The following UGT1A5 variants were observed in gnomAD, a reference collection of about 807,000 sequenced individuals.
UGT1A5 encodes the protein UDP-glucuronosyltransferase 1A5.
UGT1A5 carries 29 observed loss-of-function variants against 40.3 expected under a neutral mutation model. The ratio of observed to expected loss-of-function variants is 0.72; its 90% CI spans 0.54 to 0.98. UGT1A5 has a LOEUF of 0.98. UGT1A5 is among the 50% of genes least tolerant of loss of function. UGT1A5 has a pLI of 0.00. For synonymous variants in UGT1A5, 257 were observed against 262.5 expected (o/e 0.98, Z 0.20); for missense variants, 678 against 677.9 (o/e 1.00, Z 0.00).
At chr2:233,733,488 A>G (rs1340566594) in intron 1 of UGT1A5, among the ~76,000 whole-genome samples, 1 of 152,156 alleles carries the variant, frequency 6.6e-6, no homozygotes, top group African/African-American at 2.4e-5. Context: ...TTCCATCAAT[A>G]CCTAGTTTAT....
In UGT1A5 at chr2:233,731,732, C is replaced by T. The variant is rs376493971; in HGVS notation, c.867+17874C>T. Among the ~76,000 whole-genome samples, 8 of 152,220 alleles carry T rather than the reference C, an allele frequency of 5.3e-5. No homozygotes were observed. In the East Asian group the frequency reaches 1.3e-3, roughly 26 times the overall value. On this transcript the variant is annotated intron_variant, in intron 1 of 4. Transcript: ENST00000373414. ...CAGGTCTTTGCTATTGTGAATAGTG[C>T]CACAATAAACATACGTGTGCATGTG...
chr2:233,754,611 T>A (rs562553027), intron 1 of UGT1A5: 1 of 437,308 alleles, frequency 2.3e-6, no homozygotes, highest in East Asian at 7.0e-5. Flanking sequence ...CAACTCTCCA[T>A]CTTCCTCCAC....
chr2:233,724,212 T>C (rs2077189500), intron 1 of UGT1A5, among the ~76,000 whole-genome samples: 1 of 120,802 alleles, frequency 8.3e-6, no homozygotes. Context: ...GCTGAGGGGC[T>C]CCTCACTTCC....
rs568014834 is a variant in UGT1A5, at chr2:233,720,430, C to T, written c.867+6572C>T. Among the ~76,000 whole-genome samples the T allele has an allele frequency of 5.5e-4, 84 of 151,958 alleles. 1 individual carries two copies. The highest frequency in any genetic ancestry group is 1.8e-3 in the African/African-American group (76 of 41,396). ...GAAGGGACTAGGGAGGAGATAAGAC[C>T]GTGAATCTATAAGCCCAGTGAAGCT... On this transcript the variant is annotated intron_variant, in intron 1 of 4. Coordinates refer to ENST00000373414, the MANE Select transcript of UGT1A5 (RefSeq NM_019078.2).
chr2:233,744,024 G>A lies in UGT1A5; in HGVS notation c.868-23010G>A, dbSNP rs532921168. The A allele has an allele frequency of 1.8e-4, 170 of 951,358 alleles. 2 individuals carry two copies. The highest frequency in any genetic ancestry group is 2.3e-4 in the Non-Finnish European group (161 of 710,466). 58.9% of individuals were successfully genotyped at this position (951,358 alleles called of 1,614,324 possible). Reference sequence around the variant, plus strand: ...GGAGACCTGGGCCGCCTGGAGAGACGCCCCTTATGACGCAGCCACATCTCA... The same window carrying A: ...GGAGACCTGGGCCGCCTGGAGAGACACCCCTTATGACGCAGCCACATCTCA... On this transcript the variant is annotated intron_variant, in intron 1 of 4. Coordinates refer to ENST00000373414, the MANE Select transcript of UGT1A5 (RefSeq NM_019078.2).
chr2:233,760,272 C>A (rs2125981625), intron 1 of UGT1A5: 1 of 1,612,378 alleles, frequency 6.2e-7, no homozygotes, highest in Non-Finnish European at 8.5e-7. Context: ...GAACCTCTGG[C>A]AGGAGCAAAG....
chr2:233,760,647 T>G (rs1697515072), intron 1 of UGT1A5: 1 of 1,614,134 alleles, frequency 6.2e-7, no homozygotes, highest in African/African-American at 1.3e-5. Context: ...AAAAGGACTC[T>G]GCTATGCTTT....
rs200127379 is a variant in UGT1A5 at position 233,729,681 on chromosome 2, A to G, written c.867+15823A>G. On this transcript the variant is annotated intron_variant, in intron 1 of 4. Transcript: ENST00000373414. Reference sequence around the variant, plus strand: ...CATGTGATTTAGACTTTAAGGGCACACAGTGTCCAAACCCTTCCTCCTATA... The same window carrying G: ...CATGTGATTTAGACTTTAAGGGCACGCAGTGTCCAAACCCTTCCTCCTATA... 4 of 1,613,946 alleles carry G rather than the reference A, an allele frequency of 2.5e-6. No homozygotes were observed. In the East Asian group the frequency reaches 8.9e-5, roughly 36 times the overall value.
In UGT1A5 at chr2:233,768,589, T is replaced by TC. The variant is rs1441142658; in HGVS notation, c.1307+150_1307+151insC. The TC allele has an allele frequency of 2.3e-4, 239 of 1,048,606 alleles. No individual in the cohort carries two copies. In the East Asian group the frequency reaches 3.3e-3, roughly 15 times the overall value. 65.0% of individuals were successfully genotyped at this position (1,048,606 alleles called of 1,614,324 possible). A position where few individuals can be genotyped will look rare whatever the true frequency, so the allele number is the denominator to read the frequency against. ...TCTGGATTTTTATTTCTTCTTTTTT[T>TC]TTTTTTTTTTTTTTTGAGATGGAGT... On this transcript the variant is annotated intron_variant, in intron 4 of 4. Transcript: ENST00000373414.
intron 1 of UGT1A5, among the ~76,000 whole-genome samples, chr2:233,720,871 AT>A (rs60621337): frequency 0.024 from 3,169 of 132,736 alleles, 42 homozygotes; most frequent in Middle Eastern, 0.043. Context: ...GCTCCTGGCA[AT>A]TTTTTTTTTT....
At chr2:233,743,583 A>C (rs1360653487) in intron 1 of UGT1A5, 5 of 1,367,304 alleles carry the variant, frequency 3.7e-6, no homozygotes, top group Non-Finnish European at 4.9e-6. Context: ...AAGAGGTCAA[A>C]GGAGAATGGG....
chr2:233,754,673 A>G, intron 1 of UGT1A5: 2 of 470,398 alleles, frequency 4.3e-6, no homozygotes, highest in Non-Finnish European at 8.4e-6. Flanking sequence ...TGATTTTTTT[A>G]CCATCAACTA....
Position 233,767,098 on chromosome 2 carries a change from T to C in UGT1A5, c.932T>C (p.Met311Thr). 1.2e-6 allele frequency: 2 copies of C among 1,614,160 alleles called. No homozygotes were observed. Among genetic ancestry groups the C allele is most frequent in the Non-Finnish European group, 8.5e-7 (1 of 1,180,018 alleles). The change falls in exon 2 of 5, where the codon ATG (methionine) becomes ACG (threonine). Residue 311 changes from methionine to threonine, a missense_variant. Transcript: ENST00000373414. Reference protein sequence around the residue: ...HGIVVFSLGSMVSEIPEKKAM... With the variant: ...HGIVVFSLGSTVSEIPEKKAM... ...ATTGTGGTTTTCTCTTTGGGATCAA[T>C]GGTCTCAGAAATTCCAGAGAAGAAA... is the stretch of plus-strand genomic sequence containing the variant.
intron 1 of UGT1A5, among the ~76,000 whole-genome samples, chr2:233,766,353 G>A (rs939799287): frequency 1.3e-5 from 2 of 152,092 alleles, no homozygotes; most frequent in Non-Finnish European, 2.9e-5. Context: ...GTGGCCTGCC[G>A]GTGCCTGTTG....
At chr2:233,760,997 T>A in intron 1 of UGT1A5, 2 of 1,614,168 alleles carry the variant, frequency 1.2e-6, no homozygotes, top group South Asian at 2.2e-5. Flanking sequence ...GCCTCAGAAT[T>A]CCTTCAGAGA....
rs537799034 is a variant in UGT1A5 at position 233,731,712 on chromosome 2, C to T, written c.867+17854C>T. Among the ~76,000 whole-genome samples, 65 of 152,262 alleles carry T rather than the reference C, an allele frequency of 4.3e-4. No individual in the cohort carries two copies. The South Asian group carries it at 0.013, about 30-fold the overall frequency. ...ATGGACATTTGGATTGGTTCCAGGT[C>T]TTTGCTATTGTGAATAGTGCCACAA... On this transcript the variant is annotated intron_variant, in intron 1 of 4. Coordinates refer to ENST00000373414, the MANE Select transcript of UGT1A5 (RefSeq NM_019078.2).
At chr2:233,726,798 G>T (rs548256451) in intron 1 of UGT1A5, among the ~76,000 whole-genome samples, 1 of 152,228 alleles carries the variant, frequency 6.6e-6, no homozygotes, top group South Asian at 2.1e-4. Context: ...CTTATTCAAG[G>T]CTTGGAGGTT....
chr2:233,767,705 C>T, intron 2 of UGT1A5, 144 bp from the exon 3 acceptor site: 1 of 1,520,160 alleles, frequency 6.6e-7, no homozygotes, highest in Non-Finnish European at 8.8e-7. Context: ...TGCCAGTCCT[C>T]AGAAGCCTTC....
intron 1 of UGT1A5, chr2:233,747,510 T>C (rs1693700936): frequency 1.9e-6 from 3 of 1,608,048 alleles, no homozygotes; most frequent in Non-Finnish European, 2.6e-6. Flanking sequence ...CACTCAACTG[T>C]ACTTTGAAAC....
Sources: allele counts gnomAD v4.1 joint callset (sites outside exome capture counted in the v4.1 genomes callset), GRCh38; gene constraint gnomAD v4.1.1; transcripts MANE v1.5; gene names NCBI Gene and HGNC (gene_info 2026-07-23, HGNC 2026-07-21).